Variants in CDC73 observed in about 807,000 individuals in gnomAD.
The protein encoded by CDC73 is cell division cycle 73.
Under a neutral mutation model 83.7 loss-of-function variants are expected in CDC73, and 21 were observed. That is an observed-to-expected ratio of 0.25 (90% CI 0.18 to 0.36). The LOEUF (loss-of-function observed/expected upper bound fraction) is 0.36, where lower values mean the gene tolerates loss of function less well. CDC73 is among the 10% of genes least tolerant of loss of function. The probability of loss-of-function intolerance (pLI) is 1.00; values close to 1 mark genes in which losing one functional copy is unlikely to be tolerated. For synonymous variants in CDC73, 224 were observed against 212.9 expected (o/e 1.05, Z -0.45); for missense variants, 342 against 653.3 (o/e 0.52, Z 5.19).
At chr1:193,245,359 AG>A (rs1677936298) in intron 15 of CDC73, among the ~76,000 whole-genome samples, 2 of 152,098 alleles carry the variant, frequency 1.3e-5, no homozygotes, top group Non-Finnish European at 2.9e-5. Context: ...TCTACATATG[AG>A]AGAGAACTTG....
chr1:193,164,851 A>G (rs1676409577), intron 10 of CDC73, among the ~76,000 whole-genome samples: 1 of 151,806 alleles, frequency 6.6e-6, no homozygotes, highest in African/African-American at 2.4e-5. Context: ...TTGATTTGTT[A>G]AAAAGTGTTG....
chr1:193,125,800 G>A (rs111864815), intron 2 of CDC73, among the ~76,000 whole-genome samples: 193 of 151,872 alleles, frequency 1.3e-3, no homozygotes, highest in African/African-American at 4.4e-3. Context: ...GTATCATTTG[G>A]AATGGATAGC....
chr1:193,241,594 A>G lies in CDC73; in HGVS notation c.1417+5238A>G, dbSNP rs931487767. Among the ~76,000 whole-genome samples the G allele has an allele frequency of 3.9e-5, 6 of 152,154 alleles. No homozygotes were observed. The East Asian group carries it at 5.8e-4, about 15-fold the overall frequency. On this transcript the variant is annotated intron_variant, in intron 15 of 16. Coordinates refer to ENST00000367435, the MANE Select transcript of CDC73 (RefSeq NM_024529.5). ...TCCCCAGAGGTCCACACTGTTACCA[A>G]TTGTGGCTTTGATGGGCTGGACAGG...
intron 10 of CDC73, chr1:193,180,869 G>T (rs749224040): frequency 6.2e-7 from 1 of 1,613,354 alleles, no homozygotes; most frequent in Non-Finnish European, 8.5e-7. Context: ...ATGCCCATTA[G>T]TGTTTTAATG....
chr1:193,195,689 G>T (rs1676991577), intron 10 of CDC73, among the ~76,000 whole-genome samples: 2 of 152,032 alleles, frequency 1.3e-5, no homozygotes, highest in South Asian at 4.1e-4. Context: ...ACTGGATTTT[G>T]ATAATAACCA....
At chr1:193,166,651 C>CT (rs1222917697) in intron 10 of CDC73, among the ~76,000 whole-genome samples, 1,570 of 139,106 alleles carry the variant, frequency 0.011, 15 homozygotes, top group Middle Eastern at 0.034. Flanking sequence ...CACTTTTTTT[C>CT]TTTTTTTTTT....
chr1:193,203,202 C>T (rs72740230), intron 10 of CDC73, among the ~76,000 whole-genome samples: 6,589 of 152,148 alleles, frequency 0.043, 139 homozygotes, highest in African/African-American at 0.05. Flanking sequence ...CCATGTACAT[C>T]TTACATTTTC....
At chr1:193,180,353 C>G in intron 10 of CDC73, 1 of 1,610,792 alleles carries the variant, frequency 6.2e-7, no homozygotes, top group South Asian at 1.1e-5. Context: ...TTGGCACAGG[C>G]ATTGTGCTTA....
intron 10 of CDC73, among the ~76,000 whole-genome samples, chr1:193,185,619 G>A (rs1441749112): frequency 6.6e-6 from 1 of 151,782 alleles, no homozygotes; most frequent in Non-Finnish European, 1.5e-5. Context: ...TCACTGCATT[G>A]TGTCTTTTGA....
chr1:193,154,512 A>G (rs1676175321), intron 10 of CDC73, among the ~76,000 whole-genome samples: 1 of 152,242 alleles, frequency 6.6e-6, no homozygotes, highest in Non-Finnish European at 1.5e-5. Flanking sequence ...TATACTGAAA[A>G]GAGAGGTGAA....
intron 15 of CDC73, 85 bp from the exon 16 acceptor site, chr1:193,249,645 C>T (rs574972313): frequency 3.1e-5 from 31 of 988,496 alleles, no homozygotes; most frequent in African/African-American, 1.5e-4. Flanking sequence ...AGTTATAATA[C>T]GGCTTCAGTT....
intron 10 of CDC73, among the ~76,000 whole-genome samples, chr1:193,192,487 G>T (rs1378922823): frequency 6.6e-6 from 1 of 152,060 alleles, no homozygotes; most frequent in Non-Finnish European, 1.5e-5. Flanking sequence ...TAAGTAAATA[G>T]AATTTTTTTT....
In CDC73 at chr1:193,197,436, TACAC is replaced by T. The variant is rs574144944; in HGVS notation, c.973-6357_973-6354del. The stretch of plus-strand genomic sequence containing the variant: ...TTTATTTTGGGCAGTGAGCTGAAAA[TACAC>T]AGACAGAAACACATATGCATATTGC... On this transcript the variant is annotated intron_variant, in intron 10 of 16. Transcript: ENST00000367435. Among the ~76,000 whole-genome samples, 340 of 152,294 alleles carry T rather than the reference TACAC, an allele frequency of 2.2e-3. 1 individual carries two copies. Among genetic ancestry groups the T allele is most frequent in the African/African-American group, 7.7e-3 (321 of 41,560 alleles).
intron 10 of CDC73, among the ~76,000 whole-genome samples, chr1:193,153,083 T>C (rs1048530397): frequency 3.3e-5 from 5 of 152,180 alleles, no homozygotes; most frequent in Non-Finnish European, 5.9e-5. Flanking sequence ...TTTAACAATG[T>C]AATGTCTTTC....
intron 11 of CDC73, among the ~76,000 whole-genome samples, chr1:193,211,574 A>G (rs1020428110): frequency 6.6e-6 from 1 of 152,212 alleles, no homozygotes; most frequent in Non-Finnish European, 1.5e-5. Context: ...GCCATTCGCA[A>G]GTAAAACAAG....
chr1:193,240,875 G>T (rs1677845405), intron 15 of CDC73, among the ~76,000 whole-genome samples: 1 of 151,946 alleles, frequency 6.6e-6, no homozygotes, highest in South Asian at 2.1e-4. Flanking sequence ...CTGTGCTTTT[G>T]AGGTCTTAGC....
At chr1:193,153,800 G>A (rs1363786454) in intron 10 of CDC73, among the ~76,000 whole-genome samples, 2 of 152,076 alleles carry the variant, frequency 1.3e-5, no homozygotes, top group African/African-American at 4.8e-5. Context: ...CTTGTTGCTG[G>A]TCATACAGCT....
rs577970587 is a variant in CDC73, at chr1:193,238,955, A to G, written c.1417+2599A>G. Among the ~76,000 whole-genome samples the G allele has an allele frequency of 1.2e-3, 187 of 152,296 alleles. 2 individuals are homozygous for G. The highest frequency in any genetic ancestry group is 3.5e-3 in the Admixed American group (54 of 15,298). On this transcript the variant is annotated intron_variant, in intron 15 of 16. Transcript: ENST00000367435. ...ATGAACCCACTCAATTGGAACTTGT[A>G]TTGTTCAAGGATCAAATGTATATGG...
chr1:193,161,083 T>G (rs1359106880), intron 10 of CDC73: 1 of 171,224 alleles, frequency 5.8e-6, no homozygotes, highest in Non-Finnish European at 1.3e-5. Context: ...CTACCAAACC[T>G]CATTTGATCT....
Sources: gnomAD v4.1 joint callset for allele counts (sites outside exome capture counted in the v4.1 genomes callset) on GRCh38, gnomAD v4.1.1 for gene constraint, MANE v1.5 for transcripts, NCBI Gene and HGNC (gene_info 2026-07-23, HGNC 2026-07-21) for gene names.